The following TRPM3 variants were observed in gnomAD, a reference collection of about 807,000 sequenced individuals.
TRPM3 encodes long transient receptor potential channel 3.
A neutral mutation model predicts 181.2 loss-of-function variants in TRPM3; 77 were observed. That is an observed-to-expected ratio of 0.42 (90% confidence interval 0.35 to 0.51). TRPM3 has a LOEUF of 0.51. TRPM3 is among the 20% of genes least tolerant of loss of function. The probability of loss-of-function intolerance (pLI) is 0.01; values close to 1 mark genes in which losing one functional copy is unlikely to be tolerated. For synonymous variants in TRPM3, 745 were observed against 796.4 expected (o/e 0.94, Z 1.09); for missense variants, 1,759 against 2,196.7 (o/e 0.80, Z 3.98).
At chr9:71,060,629 G>A (rs2061221928) in intron 1 of TRPM3, among the ~76,000 whole-genome samples, 1 of 152,124 alleles carries the variant, frequency 6.6e-6, no homozygotes, top group Non-Finnish European at 1.5e-5. Context: ...GCCATGAGTT[G>A]TGGTCTCTTT....
chr9:71,148,325 T>C (rs2134603206), intron 1 of TRPM3, among the ~76,000 whole-genome samples: 1 of 152,334 alleles, frequency 6.6e-6, no homozygotes, highest in Non-Finnish European at 1.5e-5. Flanking sequence ...ATACATTTGC[T>C]TGAATTTTTA....
At chr9:71,444,252 A>AT (rs1002097571) in intron 1 of TRPM3, among the ~76,000 whole-genome samples, 6 of 152,140 alleles carry the variant, frequency 3.9e-5, no homozygotes, top group Non-Finnish European at 7.4e-5. Context: ...TTCCCTCGGA[A>AT]TAACTTTAAC....
At chr9:70,969,884 A>G (rs1448699837) in intron 1 of TRPM3, among the ~76,000 whole-genome samples, 1 of 151,644 alleles carries the variant, frequency 6.6e-6, no homozygotes, top group Non-Finnish European at 1.5e-5. Flanking sequence ...CACTACTATC[A>G]TTACTATTCC....
chr9:71,136,157 G>A (rs1029876860), intron 1 of TRPM3, among the ~76,000 whole-genome samples: 1 of 152,232 alleles, frequency 6.6e-6, no homozygotes, highest in African/African-American at 2.4e-5. Context: ...TAGAAGACAG[G>A]AAGTTCACAT....
chr9:70,885,606 G>T (rs2096071376), intron 1 of TRPM3, among the ~76,000 whole-genome samples: 2 of 152,076 alleles, frequency 1.3e-5, no homozygotes, highest in Admixed American at 1.3e-4. Flanking sequence ...TCACACTTCT[G>T]CACTTGCTTC....
At chr9:70,863,907 C>T (rs1305770806) in intron 2 of TRPM3, among the ~76,000 whole-genome samples, 1 of 151,906 alleles carries the variant, frequency 6.6e-6, no homozygotes, top group Non-Finnish European at 1.5e-5. Context: ...GTTGAATTGC[C>T]CATTCATAAG....
intron 22 of TRPM3, among the ~76,000 whole-genome samples, chr9:70,581,054 T>C (rs987230865): frequency 6.6e-6 from 1 of 152,240 alleles, no homozygotes; most frequent in Non-Finnish European, 1.5e-5. Flanking sequence ...GAAAATATTA[T>C]AGCAGGATGT....
At chr9:70,550,465 T>G (rs749621628) in intron 24 of TRPM3, among the ~76,000 whole-genome samples, 9 of 152,186 alleles carry the variant, frequency 5.9e-5, no homozygotes, top group Non-Finnish European at 1.2e-4. Flanking sequence ...TTTTGTTAAG[T>G]GAGAAAAATA....
chr9:70,696,619 C>T (rs530864358), intron 8 of TRPM3, among the ~76,000 whole-genome samples: 14 of 152,314 alleles, frequency 9.2e-5, no homozygotes, highest in African/African-American at 2.4e-4. Flanking sequence ...TGGATGTGTG[C>T]GCAAACCCGT....
intron 1 of TRPM3, among the ~76,000 whole-genome samples, chr9:71,343,665 C>T (rs2091108645): frequency 6.6e-6 from 1 of 151,950 alleles, no homozygotes; most frequent in Non-Finnish European, 1.5e-5. Context: ...TATCTCTGTC[C>T]ACTGAAAGGG....
intron 1 of TRPM3, among the ~76,000 whole-genome samples, chr9:71,301,184 G>A (rs1455594200): frequency 6.6e-6 from 1 of 152,118 alleles, no homozygotes; most frequent in East Asian, 1.9e-4. Flanking sequence ...GTCTGATTGG[G>A]CAAGAGATCT....
intron 8 of TRPM3, among the ~76,000 whole-genome samples, chr9:70,694,543 C>T (rs560708957): frequency 2.0e-5 from 3 of 152,236 alleles, no homozygotes; most frequent in East Asian, 1.9e-4. Context: ...CACAGTGGCG[C>T]GATCTCGGCT....
rs78507822 is a variant in TRPM3 at position 70,967,552 on chromosome 9, T to C, written c.178-103041A>G. Among the ~76,000 whole-genome samples the C allele has an allele frequency of 4.4e-3, 676 of 152,240 alleles. 7 individuals are homozygous for C. Among genetic ancestry groups the C allele is most frequent in the African/African-American group, 0.015 (626 of 41,558 alleles). ...AATAATATGAATCACCATGTCACTT[T>C]ATGCAAGTACACAAAGAACTTTTCA... On this transcript the variant is annotated intron_variant, in intron 1 of 25. Coordinates refer to ENST00000677713, the MANE Select transcript of TRPM3 (RefSeq NM_001366145.2).
At chr9:71,001,049 G>A (rs191200630) in intron 1 of TRPM3, among the ~76,000 whole-genome samples, 252 of 152,298 alleles carry the variant, frequency 1.7e-3, no homozygotes, top group African/African-American at 5.5e-3. Context: ...CAGTACTAAC[G>A]AATTGTCTTC....
chr9:70,950,859 A>G (rs1209438487), intron 1 of TRPM3, among the ~76,000 whole-genome samples: 1 of 152,050 alleles, frequency 6.6e-6, no homozygotes, highest in Non-Finnish European at 1.5e-5. Context: ...CTTACAGGAA[A>G]ATTTTCCAAT....
intron 1 of TRPM3, among the ~76,000 whole-genome samples, chr9:71,333,404 G>C (rs1442446325): frequency 6.6e-6 from 1 of 152,002 alleles, no homozygotes; most frequent in Non-Finnish European, 1.5e-5. Context: ...TGGGAGAGTA[G>C]GAACCAGCAA....
intron 1 of TRPM3, among the ~76,000 whole-genome samples, chr9:71,240,616 G>A (rs927662588): frequency 6.6e-6 from 1 of 150,800 alleles, no homozygotes; most frequent in African/African-American, 2.5e-5. Flanking sequence ...AGCCAGAATC[G>A]TTTAAAATAG....
intron 8 of TRPM3, among the ~76,000 whole-genome samples, chr9:70,754,394 T>C (rs533596451): frequency 6.6e-6 from 1 of 152,296 alleles, no homozygotes; most frequent in Admixed American, 6.5e-5. Context: ...AAAACAATGA[T>C]AGAACTTAGG....
intron 1 of TRPM3, among the ~76,000 whole-genome samples, chr9:71,445,501 GA>G (rs1360721840): frequency 4.6e-5 from 7 of 152,174 alleles, no homozygotes; most frequent in African/African-American, 1.7e-4. Context: ...AAGTATTTGA[GA>G]AAAATACCTG....
Sources: allele counts gnomAD v4.1 joint callset (sites outside exome capture counted in the v4.1 genomes callset), GRCh38; gene constraint gnomAD v4.1.1; transcripts MANE v1.5; gene names NCBI Gene and HGNC (gene_info 2026-07-23, HGNC 2026-07-21).